Variants in PUS7 observed in about 807,000 individuals in gnomAD.
PUS7 encodes the protein pseudouridine synthase 7.
A neutral mutation model predicts 79.8 loss-of-function variants in PUS7; 48 were observed. The observed-to-expected ratio is 0.60, with a 90% CI of 0.48 to 0.76. The LOEUF (loss-of-function observed/expected upper bound fraction) is 0.76, where lower values mean the gene tolerates loss of function less well. PUS7 is among the 30% of genes least tolerant of loss of function. The pLI, the probability that PUS7 is intolerant of heterozygous loss-of-function variation, is 0.00. For synonymous variants in PUS7, 286 were observed against 272.2 expected, an observed-to-expected ratio of 1.05 and a Z score of -0.50; for missense variants, 729 against 797.6, an observed-to-expected ratio of 0.91 and a Z score of 1.04.
At chr7:105,495,322 G>T in intron 5 of PUS7, 69 bp from the exon 6 acceptor site, 1 of 891,834 alleles carries the variant, frequency 1.1e-6, no homozygotes. Context: ...CTCATTTTTC[G>T]CTATAGAACC....
At chr7:105,515,940 G>C (rs1825878984) in intron 1 of PUS7, among the ~76,000 whole-genome samples, 1 of 152,022 alleles carries the variant, frequency 6.6e-6, no homozygotes, top group Admixed American at 6.6e-5. Flanking sequence ...CTCCTGAGTA[G>C]CTGGGATTAC....
At chr7:105,482,504 A>T in intron 7 of PUS7, 64 bp from the exon 8 acceptor site, 1 of 1,499,684 alleles carries the variant, frequency 6.7e-7, no homozygotes, top group Non-Finnish European at 9.0e-7. Flanking sequence ...TGAGATACTG[A>T]TTGTCTGCTT....
chr7:105,490,955 T>C (rs972101160), intron 7 of PUS7, among the ~76,000 whole-genome samples: 10 of 152,158 alleles, frequency 6.6e-5, no homozygotes, highest in Non-Finnish European at 1.2e-4. Context: ...CACAGGACAG[T>C]CCCTACAACA....
Position 105,506,428 on chromosome 7 carries a change from C to CT in PUS7, c.399-156dup, listed in dbSNP as rs879854891. The stretch of plus-strand genomic sequence containing the variant: ...ATCACATGGAGTTAATTTTTTTTTT[C>CT]TTTTTTTTTTTTGAGATGGAGCCTT... On this transcript the variant is annotated intron_variant, in intron 2 of 15. Transcript: ENST00000469408. Among the ~76,000 whole-genome samples the CT allele has an allele frequency of 1.1e-3, 161 of 142,772 alleles. 1 individual carries two copies. Among genetic ancestry groups the CT allele is most frequent in the African/African-American group, 1.7e-3 (68 of 39,300 alleles). 93.7% of individuals were successfully genotyped at this position (142,772 alleles called of 152,430 possible).
intron 9 of PUS7, among the ~76,000 whole-genome samples, chr7:105,474,168 C>T (rs1323063763): frequency 6.6e-6 from 1 of 152,046 alleles, no homozygotes; most frequent in African/African-American, 2.4e-5. Context: ...TCTTTATTTT[C>T]ACATTTAAGT....
chr7:105,502,862 G>A (rs1825311726), intron 4 of PUS7, among the ~76,000 whole-genome samples: 1 of 152,066 alleles, frequency 6.6e-6, no homozygotes, highest in South Asian at 2.1e-4. Flanking sequence ...ACCAAGCCTG[G>A]CTAGTTTTTG....
intron 1 of PUS7, among the ~76,000 whole-genome samples, chr7:105,518,770 T>C (rs767357298): frequency 4.0e-5 from 6 of 151,886 alleles, no homozygotes; most frequent in Non-Finnish European, 7.4e-5. Context: ...TTTTTTATTT[T>C]ATTTTGTATA....
chr7:105,495,607 T>C (rs1473331687), intron 5 of PUS7, among the ~76,000 whole-genome samples: 2 of 151,788 alleles, frequency 1.3e-5, no homozygotes, highest in Non-Finnish European at 2.9e-5. Context: ...TAGCCAGGCA[T>C]GGTGGTACAC....
intron 9 of PUS7, among the ~76,000 whole-genome samples, chr7:105,475,924 A>T (rs762477539): frequency 6.6e-6 from 1 of 152,058 alleles, no homozygotes; most frequent in Non-Finnish European, 1.5e-5. Context: ...GGAACCTCAT[A>T]TAAGAGAAAT....
intron 1 of PUS7, among the ~76,000 whole-genome samples, chr7:105,510,409 T>C (rs575836315): frequency 6.6e-6 from 1 of 152,196 alleles, no homozygotes; most frequent in Non-Finnish European, 1.5e-5. Flanking sequence ...GGAGGTGTCA[T>C]ACAGGTGGTA....
Position 105,491,585 on chromosome 7 carries a change from G to A in PUS7, c.875C>T (p.Thr292Ile). The A allele has an allele frequency of 6.2e-7, 1 of 1,601,918 alleles. No individual in the cohort carries two copies. Among genetic ancestry groups the A allele is most frequent in the Non-Finnish European group, 8.6e-7 (1 of 1,169,308 alleles). The change falls in exon 7 of 16, where the codon ACC becomes ATC. Residue 292 changes from threonine to isoleucine, a missense_variant. By Grantham distance (89) the Thr-to-Ile change is moderately conservative (BLOSUM62 -1). Coordinates refer to ENST00000469408, the MANE Select transcript of PUS7 (RefSeq NM_019042.5). ...AACTGTTATAGCCCTTTTATCTTTG[G>A]TTCCCATGTAGGAGAATATATTTGG... is the stretch of plus-strand genomic sequence containing the variant. ...VKPNIFSYMGTKDKRAITVQE... is the reference protein window; with the variant it reads ...VKPNIFSYMGIKDKRAITVQE...
chr7:105,474,439 C>G (rs2133094103), intron 9 of PUS7, among the ~76,000 whole-genome samples: 1 of 152,122 alleles, frequency 6.6e-6, no homozygotes, highest in Middle Eastern at 3.4e-3. Context: ...AGGGACTGAT[C>G]TGACAGATAT....
intron 6 of PUS7, 123 bp from the exon 7 acceptor site, chr7:105,491,740 T>C: frequency 1.6e-6 from 1 of 624,644 alleles, no homozygotes; most frequent in Non-Finnish European, 2.7e-6. Context: ...AAGAGAAGAA[T>C]GAGGAGAAAC....
chr7:105,512,671 G>T (rs1825746969), intron 1 of PUS7, among the ~76,000 whole-genome samples: 2 of 152,154 alleles, frequency 1.3e-5, no homozygotes, highest in Non-Finnish European at 2.9e-5. Context: ...CAGCTTGGGA[G>T]GGGCGGAGGC....
Position 105,495,207 on chromosome 7 carries a change from G to C in PUS7, c.777C>G (p.His259Gln). The change falls in exon 6 of 16, where the codon CAC (histidine) becomes CAG (glutamine). Residue 259 changes from histidine to glutamine, a missense_variant. Transcript: ENST00000469408. Reference sequence around the variant, plus strand: ...CTTTGTTTTCCTTATATAGTACGAAGTGGCAGTAACTTCCCCTAGATTTTG... The same window carrying C: ...CTTTGTTTTCCTTATATAGTACGAACTGGCAGTAACTTCCCCTAGATTTTG... ...SWPKSRGSYC[H>Q]FVLYKENKDT... 6.2e-7 allele frequency: 1 copy of C among 1,612,868 alleles called. No individual in the cohort carries two copies. Among genetic ancestry groups the C allele is most frequent in the South Asian group, 1.1e-5 (1 of 90,924 alleles).
chr7:105,468,844 T>C (rs1823765333), intron 11 of PUS7, among the ~76,000 whole-genome samples: 1 of 151,876 alleles, frequency 6.6e-6, no homozygotes, highest in South Asian at 2.1e-4. Context: ...TCTAAGACAT[T>C]TTGCTTGTTA....
At chr7:105,468,771 GCC>G (rs1823762524) in intron 11 of PUS7, among the ~76,000 whole-genome samples, 1 of 151,964 alleles carries the variant, frequency 6.6e-6, no homozygotes, top group Non-Finnish European at 1.5e-5. Flanking sequence ...GCCCACCTTG[GCC>G]TCCCAAAGTG....
At chr7:105,505,191 C>T (rs569649965) in intron 4 of PUS7, among the ~76,000 whole-genome samples, 25 of 151,954 alleles carry the variant, frequency 1.6e-4, no homozygotes, top group Non-Finnish European at 3.4e-4. Flanking sequence ...TTAGTAGAGA[C>T]GGGATTTCGC....
chr7:105,466,459 C>T (rs1823647390), intron 12 of PUS7, among the ~76,000 whole-genome samples: 1 of 151,638 alleles, frequency 6.6e-6, no homozygotes, highest in Non-Finnish European at 1.5e-5. Context: ...GTCTTTGTTG[C>T]CCTGGCTGGT....
Sources: allele counts gnomAD v4.1 joint callset (sites outside exome capture counted in the v4.1 genomes callset), GRCh38; gene constraint gnomAD v4.1.1; transcripts MANE v1.5; gene names NCBI Gene and HGNC (gene_info 2026-07-23, HGNC 2026-07-21).